LDB1: variants seen among roughly 807,000 people sequenced by gnomAD.
LDB1 encodes LIM domain binding 1, also known as LIM domain-binding protein 1.
Under a neutral mutation model 49.7 loss-of-function variants are expected in LDB1, and 6 were observed. The ratio of observed to expected loss-of-function variants is 0.12; its 90% CI spans 0.07 to 0.24. The LOEUF (loss-of-function observed/expected upper bound fraction) is 0.24. Among genes scored for constraint, LDB1 ranks in the 10% least tolerant of loss-of-function variants. The pLI is 1.00. For missense variants in LDB1, 341 were observed against 561.7 expected (o/e 0.61, Z 3.97); for synonymous variants, 233 against 202.0 (o/e 1.15, Z -1.30).
intron 1 of LDB1, among the ~76,000 whole-genome samples, chr10:102,116,902 A>G (rs989940069): frequency 6.6e-6 from 1 of 151,436 alleles, no homozygotes; most frequent in Non-Finnish European, 1.5e-5. Context: ...AACTTTCCAA[A>G]GTGCATTCAC....
intron 1 of LDB1, chr10:102,114,590 CGCCCCGCGGCG>C (rs2068305846): frequency 2.0e-6 from 2 of 985,250 alleles, no homozygotes; most frequent in South Asian, 4.7e-5. Context: ...TGCCTCGGCC[CGCCCCGCGGCG>C]GCCGCTGTCC....
chr10:102,111,542 C>T lies in LDB1; in HGVS notation c.26-6G>A, dbSNP rs939978009. On this transcript the variant is annotated splice_polypyrimidine_tract_variant and splice_region_variant and intron_variant, in intron 1 of 10. Coordinates refer to ENST00000673968, the MANE Select transcript of LDB1 (RefSeq NM_001113407.3). The stretch of plus-strand genomic sequence containing the variant: ...GAATGACTTTGAGGAACAACCTAGA[C>T]GAGAAAGAAAGGAGTCATAGCTGGG... The T allele has an allele frequency of 1.3e-5, 19 of 1,514,042 alleles. No individual in the cohort carries two copies. The highest frequency in any genetic ancestry group is 7.0e-5 in the African/African-American group (5 of 71,552). 93.8% of individuals were successfully genotyped at this position (1,514,042 alleles called of 1,614,324 possible). A position where few individuals can be genotyped will look rare whatever the true frequency, so the allele number is the denominator to read the frequency against.
downstream of LDB1, among the ~76,000 whole-genome samples, chr10:102,102,563 A>G (rs778722901): frequency 6.6e-6 from 1 of 152,182 alleles, no homozygotes; most frequent in Non-Finnish European, 1.5e-5. Context: ...TCAGTGGGAA[A>G]ATGAGCCTCT....
At chr10:102,111,044 C>T in intron 4 of LDB1, 25 bp downstream of exon 4, 2 of 1,613,480 alleles carry the variant, frequency 1.2e-6, no homozygotes, top group Non-Finnish European at 1.7e-6. Flanking sequence ...CCTCCTGCTC[C>T]CAGCCCCTTT....
rs2068230253 is a variant in LDB1, at chr10:102,110,126, A to T, written c.526-83T>A. 4.8e-6 allele frequency: 7 copies of T among 1,465,438 alleles called. No individual in the cohort carries two copies. The Admixed American group carries it at 1.4e-4, about 29-fold the overall frequency. The allele number at this position is 1,465,438 out of a possible 1,614,324, so 90.8% of individuals were successfully genotyped here. ...GTCTATTACAGTCTCCCATTTGCTT[A>T]CAACTCTCCCATTGCATACACTTTT... On this transcript the variant is annotated intron_variant, in intron 6 of 10. Coordinates refer to ENST00000673968, the MANE Select transcript of LDB1 (RefSeq NM_001113407.3).
chr10:102,120,799 G>T (rs1428249614), upstream of LDB1, among the ~76,000 whole-genome samples: 1 of 152,176 alleles, frequency 6.6e-6, no homozygotes, highest in Non-Finnish European at 1.5e-5. Flanking sequence ...GCCGGAGCGG[G>T]AGCCGCGGCT....
rs2133503431 is a variant in LDB1 at position 102,109,355 on chromosome 10, C to T, written c.856+29G>A. The T allele has an allele frequency of 6.2e-7, 1 of 1,613,358 alleles. No individual in the cohort carries two copies. The highest frequency in any genetic ancestry group is 8.5e-7 in the Non-Finnish European group (1 of 1,179,850). On this transcript the variant is annotated intron_variant, in intron 9 of 10. Coordinates refer to ENST00000673968, the MANE Select transcript of LDB1 (RefSeq NM_001113407.3). The surrounding 1 kb of genome is among the most constrained non-coding windows in gnomAD (Gnocchi z 5.8). ...ACAGCTTTGGGGAGCGGTGTGAGAT[C>T]CTGGTAAGAGCAGGTGCAAGGCACT... is the stretch of plus-strand genomic sequence containing the variant.
intron 10 of LDB1, 48 bp from the exon 11 acceptor site, chr10:102,108,371 C>T (rs762899160): frequency 7.5e-6 from 11 of 1,476,500 alleles, no homozygotes; most frequent in East Asian, 2.3e-5. Flanking sequence ...AGGGCTCGCC[C>T]GGCCCAGGGC....
chr10:102,114,561 C>T, intron 1 of LDB1: 1 of 985,736 alleles, frequency 1.0e-6, no homozygotes, highest in Non-Finnish European at 1.2e-6. Context: ...CCGCCGGCCG[C>T]ACAAAGACTC....
upstream of LDB1, chr10:102,120,497 C>G (rs959178649): frequency 2.1e-6 from 1 of 487,532 alleles, no homozygotes; most frequent in Non-Finnish European, 2.7e-6. Flanking sequence ...CAGCCCAAGC[C>G]GGGCAGGGCC....
chr10:102,113,052 G>C (rs560112291), intron 1 of LDB1, among the ~76,000 whole-genome samples: 1 of 152,152 alleles, frequency 6.6e-6, no homozygotes, highest in East Asian at 1.9e-4. Context: ...ACTGCATTTG[G>C]AAGGGTAGCT....
rs2068216274 is a variant in LDB1 at position 102,109,359 on chromosome 10, G to A, written c.856+25C>T. The A allele has an allele frequency of 5.0e-6, 8 of 1,613,598 alleles. No individual in the cohort carries two copies. In the East Asian group the frequency reaches 6.7e-5, roughly 13 times the overall value. On this transcript the variant is annotated intron_variant, in intron 9 of 10. Coordinates refer to ENST00000673968, the MANE Select transcript of LDB1 (RefSeq NM_001113407.3). This position sits in a 1 kb window ranked among gnomAD's most constrained non-coding sequence, Gnocchi z 5.8. ...CTTTGGGGAGCGGTGTGAGATCCTG[G>A]TAAGAGCAGGTGCAAGGCACTCACC...
Position 102,108,071 on chromosome 10 carries a change from T to A in LDB1, c.*22A>T. 6.3e-7 allele frequency: 1 copy of A among 1,576,610 alleles called. No homozygotes were observed. The highest frequency in any genetic ancestry group is 1.3e-5 in the African/African-American group (1 of 74,270). Reference sequence around the variant, plus strand: ...GGGGTGGGGCAGGTAGGCAGAGCACTGGGTGGCCACAGCAGGGCCTTTTAC... The same window carrying A: ...GGGGTGGGGCAGGTAGGCAGAGCACAGGGTGGCCACAGCAGGGCCTTTTAC... On this transcript the variant is annotated 3_prime_UTR_variant, in exon 11 of 11. Transcript: ENST00000673968.
In LDB1 at chr10:102,111,272, G is replaced by C. The variant is rs781692988; in HGVS notation, c.157C>G (p.Leu53Val). Residue 53 changes from leucine (L) to valine (V), a missense_variant, in exon 3 of 11, where the codon CTG (leucine) becomes GTG (valine). Leu to Val is a conservative substitution (Grantham distance 32, BLOSUM62 1). Coordinates refer to ENST00000673968, the MANE Select transcript of LDB1 (RefSeq NM_001113407.3). ...TCCACTTACCCAATCCCTGGCTCCA[G>C]GTATGTAGGCGGATACATGGGAGTT... ...GPTPMYPPTYLEPGIGRHTPY... is the reference protein window; with the variant it reads ...GPTPMYPPTYVEPGIGRHTPY... 1.2e-6 allele frequency: 2 copies of C among 1,614,124 alleles called. No individual in the cohort carries two copies. Among genetic ancestry groups the C allele is most frequent in the East Asian group, 2.2e-5 (1 of 44,870 alleles).
Position 102,109,119 on chromosome 10 carries a change from G to A in LDB1, c.915C>T (p.Ser305=), listed in dbSNP as rs143537282. ...KRRKRKMSGG[S]TMSSGGGNTN... ...TGTTGCCACCACCAGAGCTCATGGT[G>A]CTGCCCCCTGACATCTTCCGTTTCC... Residue 305 remains serine, a synonymous_variant, in exon 10 of 11, where the codon AGC becomes AGT. Transcript: ENST00000673968. This position sits in a 1 kb window ranked among gnomAD's most constrained non-coding sequence, Gnocchi z 5.8. The A allele has an allele frequency of 1.6e-4, 259 of 1,614,148 alleles. No homozygotes were observed. The Middle Eastern group carries it at 1.8e-3, about 11-fold the overall frequency.
intron 1 of LDB1, chr10:102,114,888 ACTCACACTCG>A: frequency 1.0e-6 from 1 of 965,504 alleles, no homozygotes; most frequent in Non-Finnish European, 1.2e-6. Context: ...ACTCACACTC[ACTCACACTCG>A]CACACTCAAA....
At chr10:102,113,067 T>TTATCTA (rs1251040080) in intron 1 of LDB1, among the ~76,000 whole-genome samples, 1 of 152,210 alleles carries the variant, frequency 6.6e-6, no homozygotes, top group Non-Finnish European at 1.5e-5. Flanking sequence ...GTAGCTAGAT[T>TTATCTA]GGCTGTATCT....
chr10:102,102,286 T>A (rs1395123016), downstream of LDB1, among the ~76,000 whole-genome samples: 20 of 152,250 alleles, frequency 1.3e-4, no homozygotes, highest in Non-Finnish European at 2.4e-4. Context: ...GAGTGTGTCA[T>A]GAACCAAGGT....
intron 1 of LDB1, chr10:102,114,326 C>T (rs1332085009): frequency 1.0e-6 from 1 of 985,838 alleles, no homozygotes. Context: ...GCACCTCTCC[C>T]CCAGCCCGCA....
Sources: allele counts gnomAD v4.1 joint callset (sites outside exome capture counted in the v4.1 genomes callset), GRCh38; gene constraint gnomAD v4.1.1; non-coding constraint Gnocchi (gnomAD v3.1); transcripts MANE v1.5; gene names NCBI Gene and HGNC (gene_info 2026-07-23, HGNC 2026-07-21).